FSTL5: variants seen among roughly 807,000 people sequenced by gnomAD.
The protein encoded by FSTL5 is follistatin like 5.
A neutral mutation model predicts 89.1 loss-of-function variants in FSTL5; 62 were observed. The ratio of observed to expected loss-of-function variants is 0.70; its 90% confidence interval spans 0.57 to 0.86. FSTL5 has a LOEUF of 0.86. Among genes scored for constraint, FSTL5 ranks in the 40% least tolerant of loss-of-function variants. The pLI is 0.00. For missense variants in FSTL5, 1,057 were observed against 1,001.6 expected (o/e 1.06, Z -0.75); for synonymous variants, 383 against 346.2 (o/e 1.11, Z -1.18).
chr4:161,987,233 C>G lies in FSTL5; in HGVS notation c.160+46392G>C, dbSNP rs572908878. ...TTTTTTTGTTATTTAAGATGACTTT[C>G]TTTCTTATGGCTTATAGAGTTTTGT... is the stretch of plus-strand genomic sequence containing the variant. On this transcript the variant is annotated intron_variant, in intron 3 of 15. Coordinates refer to ENST00000306100, the MANE Select transcript of FSTL5 (RefSeq NM_020116.5). Among the ~76,000 whole-genome samples the G allele has an allele frequency of 2.1e-3, 317 of 152,042 alleles. 1 individual carries two copies. Among genetic ancestry groups the G allele is most frequent in the African/African-American group, 7.3e-3 (302 of 41,492 alleles).
At chr4:161,763,173 T>C (rs1010092582) in intron 5 of FSTL5, among the ~76,000 whole-genome samples, 1 of 152,184 alleles carries the variant, frequency 6.6e-6, no homozygotes, top group African/African-American at 2.4e-5. Flanking sequence ...GCCTACTATG[T>C]GTCAGGCATT....
intron 4 of FSTL5, among the ~76,000 whole-genome samples, chr4:161,831,056 T>A (rs1178500389): frequency 6.6e-6 from 1 of 151,900 alleles, no homozygotes; most frequent in East Asian, 1.9e-4. Context: ...CAGTAAAAAG[T>A]ATTCTTGTAT....
intron 2 of FSTL5, among the ~76,000 whole-genome samples, chr4:162,060,827 ACAT>A (rs1738696475): frequency 6.6e-6 from 1 of 152,078 alleles, no homozygotes; most frequent in Admixed American, 6.6e-5. Flanking sequence ...CCACACTTTG[ACAT>A]CATGAAAAAA....
intron 7 of FSTL5, among the ~76,000 whole-genome samples, chr4:161,632,585 C>T (rs1735539346): frequency 6.6e-6 from 1 of 152,128 alleles, no homozygotes; most frequent in South Asian, 2.1e-4. Flanking sequence ...TATTCTTCTA[C>T]AATTATAACT....
chr4:162,146,419 T>C (rs1318895081), intron 1 of FSTL5, among the ~76,000 whole-genome samples: 2 of 152,038 alleles, frequency 1.3e-5, no homozygotes. Context: ...AGAACCTTTT[T>C]ATAACATGTT....
intron 13 of FSTL5, among the ~76,000 whole-genome samples, chr4:161,478,814 G>T (rs139177154): frequency 6.6e-6 from 1 of 152,026 alleles, no homozygotes; most frequent in East Asian, 1.9e-4. Flanking sequence ...TACAAATACA[G>T]AATCCACAAT....
chr4:161,460,104 T>C (rs1733506241), intron 13 of FSTL5, among the ~76,000 whole-genome samples: 1 of 152,068 alleles, frequency 6.6e-6, no homozygotes, highest in African/African-American at 2.4e-5. Context: ...TAGGTACTTA[T>C]ATATTTTCTA....
chr4:161,397,069 T>A (rs573655348), intron 15 of FSTL5, among the ~76,000 whole-genome samples: 56 of 152,232 alleles, frequency 3.7e-4, no homozygotes, highest in African/African-American at 1.3e-3. Context: ...AGGCAGGGGA[T>A]AAAAGGGAGA....
chr4:161,712,886 T>C (rs952518571), intron 6 of FSTL5, among the ~76,000 whole-genome samples: 2 of 152,144 alleles, frequency 1.3e-5, no homozygotes, highest in Non-Finnish European at 2.9e-5. Flanking sequence ...TGTTTCCTCC[T>C]TTGCCTTCCA....
In FSTL5 at chr4:162,074,429, T is replaced by G. The variant is rs60145602; in HGVS notation, c.126+36842A>C. On this transcript the variant is annotated intron_variant, in intron 2 of 15. Coordinates refer to ENST00000306100, the MANE Select transcript of FSTL5 (RefSeq NM_020116.5). ...ATCAAAGGATTTTTTCACTGAAGAT[T>G]ATGTTTCAAAATGGGATACCAGTGG... Among the ~76,000 whole-genome samples, 248 of 151,870 alleles carry G rather than the reference T, an allele frequency of 1.6e-3. 2 individuals carry two copies. The highest frequency in any genetic ancestry group is 6.8e-3 in the Middle Eastern group (2 of 294).
chr4:161,616,016 A>G (rs1400515699), intron 7 of FSTL5, among the ~76,000 whole-genome samples: 1 of 151,902 alleles, frequency 6.6e-6, no homozygotes, highest in Admixed American at 6.6e-5. Context: ...AATTTTTCCT[A>G]GCAAAATGAT....
chr4:161,847,666 G>A (rs1731411468), intron 4 of FSTL5, among the ~76,000 whole-genome samples: 1 of 151,928 alleles, frequency 6.6e-6, no homozygotes, highest in Non-Finnish European at 1.5e-5. Context: ...TAACTTCCAA[G>A]TTTACTTCAG....
intron 15 of FSTL5, among the ~76,000 whole-genome samples, chr4:161,394,629 A>G (rs1411440823): frequency 6.6e-6 from 1 of 152,184 alleles, no homozygotes; most frequent in Non-Finnish European, 1.5e-5. Flanking sequence ...GATCAATACT[A>G]GTTAATGTAT....
intron 6 of FSTL5, among the ~76,000 whole-genome samples, chr4:161,695,443 GTGTGTGTGTGTA>G (rs1289262511): frequency 2.2e-5 from 3 of 134,362 alleles, no homozygotes; most frequent in Non-Finnish European, 4.9e-5. Context: ...GTGTGTGTGT[GTGTGTGTGTGTA>G]TATATATCAC....
chr4:161,638,385 A>G lies in FSTL5; in HGVS notation c.894+17943T>C, dbSNP rs1735811792. The stretch of plus-strand genomic sequence containing the variant: ...TTGGGCTGAGACAATGGGGTTTTCT[A>G]GATATACAACCATGTCGTCTGCAAA... On this transcript the variant is annotated intron_variant, in intron 7 of 15. Transcript: ENST00000306100. 2.0e-5 allele frequency among the ~76,000 whole-genome samples: 3 copies of G among 152,134 alleles called. No homozygotes were observed. The South Asian group carries it at 6.2e-4, about 31-fold the overall frequency.
chr4:161,657,890 T>C lies in FSTL5; in HGVS notation c.728-1396A>G, dbSNP rs763693533. On this transcript the variant is annotated intron_variant, in intron 6 of 15. Coordinates refer to ENST00000306100, the MANE Select transcript of FSTL5 (RefSeq NM_020116.5). ...CAGAAATATACTCACACTCCTATTC[T>C]GTTATGTAGCATCTAATCTCTAAAC... Among the ~76,000 whole-genome samples the C allele has an allele frequency of 5.8e-4, 88 of 152,192 alleles. 1 individual carries two copies. The highest frequency in any genetic ancestry group is 7.2e-4 in the Non-Finnish European group (49 of 68,040).
intron 4 of FSTL5, among the ~76,000 whole-genome samples, chr4:161,860,152 G>A (rs1314009523): frequency 1.3e-5 from 2 of 152,048 alleles, no homozygotes; most frequent in East Asian, 1.9e-4. Flanking sequence ...GCCGGGCGTG[G>A]TGGCGGGCGC....
rs188567519 is a variant in FSTL5 at position 161,695,223 on chromosome 4, C to T, written c.728-38729G>A. 4.6e-3 allele frequency among the ~76,000 whole-genome samples: 696 copies of T among 152,086 alleles called. 4 individuals carry two copies. Among genetic ancestry groups the T allele is most frequent in the African/African-American group, 0.016 (672 of 41,480 alleles). Reference sequence around the variant, plus strand: ...CCACACTCCCTTCCCAGCCTTTCCCCCGAGTCCCCAAAGTCCATTGTGTCA... The same window carrying T: ...CCACACTCCCTTCCCAGCCTTTCCCTCGAGTCCCCAAAGTCCATTGTGTCA... On this transcript the variant is annotated intron_variant, in intron 6 of 15. Transcript: ENST00000306100.
At chr4:161,934,616 GT>G (rs1267692670) in intron 3 of FSTL5, among the ~76,000 whole-genome samples, 6 of 151,186 alleles carry the variant, frequency 4.0e-5, no homozygotes, top group Admixed American at 3.3e-4. Flanking sequence ...ATTTTGTGGG[GT>G]TTTTTTTCGT....
Sources: gnomAD v4.1 joint callset for allele counts (sites outside exome capture counted in the v4.1 genomes callset) on GRCh38, gnomAD v4.1.1 for gene constraint, MANE v1.5 for transcripts, NCBI Gene and HGNC (gene_info 2026-07-23, HGNC 2026-07-21) for gene names.